PCDHGB2: variants seen among roughly 807,000 people sequenced by gnomAD.
The protein encoded by PCDHGB2 is protocadherin gamma-B2.
A neutral mutation model predicts 59.3 loss-of-function variants in PCDHGB2; 55 were observed. That is an observed-to-expected ratio of 0.93 (90% confidence interval 0.75 to 1.16). The LOEUF is 1.16. PCDHGB2 is among the 50% of genes most tolerant of loss of function. The pLI, the probability that PCDHGB2 is intolerant of heterozygous loss-of-function variation, is 0.00. For missense variants in PCDHGB2, 1,228 were observed against 1,198.5 expected, an observed-to-expected ratio of 1.02 and a Z score of -0.36; for synonymous variants, 516 against 512.0, an observed-to-expected ratio of 1.01 and a Z score of -0.11.
chr5:141,404,244 C>A (rs1164182551), intron 1 of PCDHGB2: 2 of 1,613,758 alleles, frequency 1.2e-6, no homozygotes, highest in East Asian at 2.2e-5. Context: ...GGAACTCCGC[C>A]CCTGTCCACA....
At chr5:141,409,059 A>G (rs2095217608) in intron 1 of PCDHGB2, 2 of 1,614,050 alleles carry the variant, frequency 1.2e-6, no homozygotes, top group Non-Finnish European at 1.7e-6. Context: ...AGCACTGCCC[A>G]GAGCACAAAA....
intron 1 of PCDHGB2, chr5:141,414,697 T>C (rs748722995): frequency 6.2e-7 from 1 of 1,614,036 alleles, no homozygotes; most frequent in Non-Finnish European, 8.5e-7. Flanking sequence ...TCTGTCCTCA[T>C]ACATATCCAT....
intron 1 of PCDHGB2, chr5:141,389,006 C>T (rs1238735616): frequency 1.2e-6 from 2 of 1,613,868 alleles, no homozygotes. Flanking sequence ...ACAAGGATTC[C>T]AGACACAATG....
intron 1 of PCDHGB2, among the ~76,000 whole-genome samples, chr5:141,480,700 C>A (rs1327284592): frequency 1.3e-5 from 2 of 152,192 alleles, no homozygotes; most frequent in Admixed American, 6.5e-5. Flanking sequence ...CCAGGCCACA[C>A]CCCGACAAAT....
intron 1 of PCDHGB2, chr5:141,383,917 G>A: frequency 6.2e-7 from 1 of 1,613,928 alleles, no homozygotes; most frequent in Non-Finnish European, 8.5e-7. Flanking sequence ...AGTTTTAGAT[G>A]TAAATGATAA....
In PCDHGB2 at chr5:141,398,940, G is replaced by C. The variant is rs781438773; in HGVS notation, c.2421+36384G>C. 6.2e-7 allele frequency: 1 copy of C among 1,613,944 alleles called. No individual in the cohort carries two copies. Among genetic ancestry groups the C allele is most frequent in the Middle Eastern group, 1.7e-4 (1 of 6,060 alleles). ...AAGTGTCAGCCACTGACCAAGACGAGGGCATCAACTCAGAAATTACTTATT... is the reference window on the plus strand; with the variant it reads ...AAGTGTCAGCCACTGACCAAGACGACGGCATCAACTCAGAAATTACTTATT... On this transcript the variant is annotated intron_variant, in intron 1 of 3. Transcript: ENST00000522605.
At position 141,487,565 on chromosome 5, in the gene PCDHGB2, G is replaced by A. The variant is rs1473034794; in HGVS notation, c.2422-7242G>A. ...GTCACCCAGTGCACCTATGGCAGGGGAGCCTGTTCGCCCAAGCTGCCCACC... is the reference window on the plus strand; with the variant it reads ...GTCACCCAGTGCACCTATGGCAGGGAAGCCTGTTCGCCCAAGCTGCCCACC... On this transcript the variant is annotated intron_variant, in intron 1 of 3. Transcript: ENST00000522605. This position sits in a 1 kb window ranked among gnomAD's most constrained non-coding sequence, Gnocchi z 5.0. The A allele has an allele frequency of 6.2e-7, 1 of 1,614,164 alleles. No individual in the cohort carries two copies. Among genetic ancestry groups the A allele is most frequent in the East Asian group, 2.2e-5 (1 of 44,856 alleles).
Position 141,423,964 on chromosome 5 carries a change from A to G in PCDHGB2, c.2421+61408A>G, listed in dbSNP as rs569611136. On this transcript the variant is annotated intron_variant, in intron 1 of 3. Coordinates refer to ENST00000522605, the MANE Select transcript of PCDHGB2 (RefSeq NM_018923.3). ...AGTTGAATTTTAGTATTATTTTTCT[A>G]TTATCAGTGTATGAGGCTCTCAATT... The G allele has an allele frequency of 5.2e-5, 61 of 1,163,648 alleles. 2 individuals carry two copies. In the South Asian group the frequency reaches 1.7e-3, roughly 32 times the overall value. 72.1% of individuals were successfully genotyped at this position (1,163,648 alleles called of 1,614,324 possible).
chr5:141,483,811 C>A (rs1252197546), intron 1 of PCDHGB2, among the ~76,000 whole-genome samples: 1 of 152,102 alleles, frequency 6.6e-6, no homozygotes, highest in Non-Finnish European at 1.5e-5. Flanking sequence ...CTTTTTTTGG[C>A]AGCCAGTGTA....
intron 1 of PCDHGB2, among the ~76,000 whole-genome samples, chr5:141,464,625 T>C (rs1477206347): frequency 6.6e-6 from 1 of 152,190 alleles, no homozygotes; most frequent in East Asian, 1.9e-4. Context: ...TGTCAAGCTT[T>C]TTAATTGTTG....
intron 1 of PCDHGB2, among the ~76,000 whole-genome samples, chr5:141,481,790 A>C (rs2154579313): frequency 6.6e-6 from 1 of 152,222 alleles, no homozygotes; most frequent in East Asian, 1.9e-4. Flanking sequence ...CGTCTCTACT[A>C]AAAATACAAA....
chr5:141,492,602 C>G (rs1352851783), intron 1 of PCDHGB2, among the ~76,000 whole-genome samples: 2 of 152,222 alleles, frequency 1.3e-5, no homozygotes, highest in Non-Finnish European at 2.9e-5. Flanking sequence ...GAGCGACTGC[C>G]GCTCTAAGTG....
chr5:141,388,335 C>A (rs67622091), intron 1 of PCDHGB2: 89,774 of 1,613,756 alleles, frequency 0.056, 3,043 homozygotes, highest in African/African-American at 0.15. Context: ...GCCTGGCACA[C>A]GATTTATATT....
intron 3 of PCDHGB2, chr5:141,508,415 A>T (rs2099868684): frequency 6.6e-6 from 1 of 152,158 alleles, no homozygotes; most frequent in Non-Finnish European, 1.5e-5. Context: ...CCACGCAGAG[A>T]CTTGACCAAG....
chr5:141,427,839 G>T, intron 1 of PCDHGB2: 1 of 1,547,310 alleles, frequency 6.5e-7, no homozygotes, highest in Non-Finnish European at 8.8e-7. Flanking sequence ...GCGTGCCTTC[G>T]ACCACGAGCA....
chr5:141,490,497 C>G lies in PCDHGB2; in HGVS notation c.2422-4310C>G. The stretch of plus-strand genomic sequence containing the variant: ...CTTTGGACCGGGAGGCCACATCCCA[C>G]TATATCATCGAGCTGCTGGCCAGCG... On this transcript the variant is annotated intron_variant, in intron 1 of 3. Transcript: ENST00000522605. The surrounding 1 kb of genome is among the most constrained non-coding windows in gnomAD (Gnocchi z 5.4). 6.2e-7 allele frequency: 1 copy of G among 1,614,196 alleles called. No individual in the cohort carries two copies. Among genetic ancestry groups the G allele is most frequent in the South Asian group, 1.1e-5 (1 of 91,084 alleles).
intron 1 of PCDHGB2, chr5:141,386,033 G>A (rs1205491473): frequency 1.3e-5 from 2 of 152,154 alleles, no homozygotes; most frequent in Admixed American, 6.6e-5. Flanking sequence ...TTGTGACATA[G>A]GCAATTACAT....
chr5:141,415,863 G>A, intron 1 of PCDHGB2: 4 of 1,107,154 alleles, frequency 3.6e-6, no homozygotes, highest in Non-Finnish European at 4.7e-6. Flanking sequence ...GTAGTTTATA[G>A]TGTTGTTGAG....
chr5:141,389,799 C>T (rs763321545), intron 1 of PCDHGB2: 2 of 1,613,678 alleles, frequency 1.2e-6, no homozygotes, highest in Non-Finnish European at 1.7e-6. Context: ...CGTCCGCCAG[C>T]GCCTTCTGGT....
Sources: gnomAD v4.1 joint callset for allele counts (sites outside exome capture counted in the v4.1 genomes callset) on GRCh38, gnomAD v4.1.1 for gene constraint, Gnocchi (gnomAD v3.1) non-coding constraint, MANE v1.5 for transcripts, NCBI Gene and HGNC (gene_info 2026-07-23, HGNC 2026-07-21) for gene names.